The following ADGRE1 variants were observed in gnomAD, a reference collection of about 807,000 sequenced individuals.
ADGRE1 encodes adhesion G protein-coupled receptor E1, also known as EGF-like module receptor 1.
A neutral mutation model predicts 102.7 loss-of-function variants in ADGRE1; 82 were observed. That is an observed-to-expected ratio of 0.80 (90% CI 0.67 to 0.96). ADGRE1 has a LOEUF of 0.96. Among genes scored for constraint, ADGRE1 ranks in the 40% least tolerant of loss-of-function variants. The pLI, the probability that ADGRE1 is intolerant of heterozygous loss-of-function variation, is 0.00. For synonymous variants in ADGRE1, 398 were observed against 399.6 expected (o/e 1.00, Z 0.05); for missense variants, 1,032 against 1,085.3 (o/e 0.95, Z 0.69).
intron 10 of ADGRE1, among the ~76,000 whole-genome samples, chr19:6,909,487 T>TC (rs1974092920): frequency 6.6e-6 from 1 of 152,212 alleles, no homozygotes; most frequent in Admixed American, 6.5e-5. Flanking sequence ...CTTTTGAGAC[T>TC]GGCTTCTTTG....
intron 10 of ADGRE1, among the ~76,000 whole-genome samples, 177 bp from the exon 11 acceptor site, chr19:6,913,476 G>A (rs914623467): frequency 5.3e-5 from 8 of 152,046 alleles, no homozygotes; most frequent in Non-Finnish European, 1.0e-4. Context: ...CACTGCACCC[G>A]GCCTGAATTT....
intron 5 of ADGRE1, 103 bp downstream of exon 5, chr19:6,897,650 A>G (rs1973613525): frequency 1.5e-6 from 2 of 1,290,778 alleles, no homozygotes; most frequent in South Asian, 4.6e-5. Context: ...GGGATAAGAA[A>G]ATTGGGGCTC....
At chr19:6,890,443 T>G in intron 1 of ADGRE1, 38 bp from the exon 2 acceptor site, 1 of 1,231,448 alleles carries the variant, frequency 8.1e-7, no homozygotes, top group Non-Finnish European at 1.1e-6. Flanking sequence ...TTTTTTTTTT[T>G]TGGTGGTTCA....
intron 4 of ADGRE1, 37 bp downstream of exon 4, chr19:6,897,341 G>A: frequency 2.5e-6 from 4 of 1,612,102 alleles, no homozygotes; most frequent in Non-Finnish European, 8.5e-7. Context: ...GGTCTTGGGT[G>A]GATATCTATC....
rs1051881115 is a variant in ADGRE1, at chr19:6,935,104, C to G, written c.2381+26C>G. The G allele has an allele frequency of 3.4e-6, 5 of 1,460,254 alleles. No homozygotes were observed. The South Asian group carries it at 5.0e-5, about 15-fold the overall frequency. The allele number at this position is 1,460,254 out of a possible 1,614,324, so 90.5% of individuals were successfully genotyped here. A position where few individuals can be genotyped will look rare whatever the true frequency, so the allele number is the denominator to read the frequency against. Reference sequence around the variant, plus strand: ...GTAAAGCCCTCTTTCACCTCCCCCCCTCTTTTAATTTCCTCTTTCTTCTTC... The same window carrying G: ...GTAAAGCCCTCTTTCACCTCCCCCCGTCTTTTAATTTCCTCTTTCTTCTTC... On this transcript the variant is annotated intron_variant, in intron 18 of 20. Transcript: ENST00000312053.
intron 17 of ADGRE1, among the ~76,000 whole-genome samples, chr19:6,934,204 A>T (rs148180034): frequency 5.7e-4 from 87 of 152,212 alleles, no homozygotes; most frequent in African/African-American, 1.9e-3. Context: ...GGCAAGCTGT[A>T]GGTGGCTAAC....
intron 1 of ADGRE1, among the ~76,000 whole-genome samples, 199 bp from the exon 2 acceptor site, chr19:6,890,282 C>T (rs1973312390): frequency 1.3e-5 from 2 of 152,086 alleles, no homozygotes; most frequent in African/African-American, 2.4e-5. Context: ...AAGCAAAGTA[C>T]AGAAAACCAG....
chr19:6,919,875 T>C, intron 13 of ADGRE1, 128 bp downstream of exon 13: 1 of 833,804 alleles, frequency 1.2e-6, no homozygotes, highest in Non-Finnish European at 1.9e-6. Flanking sequence ...TTCCAGCAAT[T>C]CAAGCCAATT....
At chr19:6,894,439 G>C (rs924693746) in intron 2 of ADGRE1, among the ~76,000 whole-genome samples, 1 of 152,162 alleles carries the variant, frequency 6.6e-6, no homozygotes, top group African/African-American at 2.4e-5. Context: ...GTCAGGGAAG[G>C]CTTCCTGGAG....
chr19:6,937,570 C>A lies in ADGRE1; in HGVS notation c.2577C>A (p.Ile859=), dbSNP rs575409518. 1 of 1,613,982 alleles carries A rather than the reference C, an allele frequency of 6.2e-7. No individual in the cohort carries two copies. The highest frequency in any genetic ancestry group is 1.1e-5 in the South Asian group (1 of 91,060). Residue 859 remains isoleucine, a synonymous_variant, in exon 20 of 21, where the codon ATC becomes ATA. Transcript: ENST00000312053. ...GQVREEYKRW[I]TGKTKPSSQS... is the part of the protein sequence containing the mutation. ...TACGAGAAGAATACAAGAGGTGGAT[C>A]ACTGGGAAGACGAAGCCCAGCTCCC...
rs1249097263 is a variant in ADGRE1 at position 6,919,530 on chromosome 19, A to G, written c.1421-18A>G. 1.9e-6 allele frequency: 3 copies of G among 1,577,124 alleles called. No homozygotes were observed. The highest frequency in any genetic ancestry group is 2.9e-5 in the African/African-American group (2 of 68,506). On this transcript the variant is annotated intron_variant, in intron 12 of 20. Transcript: ENST00000312053. ...AGCAAACGATTCCTTCCTTTTTTTC[A>G]TTTGGGGAAACCTGCAGAGACCACT...
At chr19:6,922,474 G>A (rs567654019) in intron 14 of ADGRE1, among the ~76,000 whole-genome samples, 3 of 151,940 alleles carry the variant, frequency 2.0e-5, no homozygotes, top group African/African-American at 7.2e-5. Context: ...AATTAGCTGG[G>A]CATGGTGGTG....
intron 11 of ADGRE1, among the ~76,000 whole-genome samples, chr19:6,915,236 GAGC>G (rs1974331273): frequency 1.3e-5 from 2 of 151,996 alleles, no homozygotes; most frequent in Non-Finnish European, 2.9e-5. Context: ...TTGAACTTCT[GAGC>G]TCAAGTGATC....
At chr19:6,926,250 A>T (rs1974902923) in intron 15 of ADGRE1, 116 bp from the exon 16 acceptor site, 1 of 1,085,454 alleles carries the variant, frequency 9.2e-7, no homozygotes, top group African/African-American at 1.6e-5. Flanking sequence ...TGTTTGTGAG[A>T]TGAATGAGTG....
At chr19:6,916,140 TC>T in intron 11 of ADGRE1, 108 bp from the exon 12 acceptor site, 1 of 1,271,332 alleles carries the variant, frequency 7.9e-7, no homozygotes, top group East Asian at 2.4e-5. Context: ...AACTTTCTAT[TC>T]TTTTCCTTTG....
intron 16 of ADGRE1, among the ~76,000 whole-genome samples, 178 bp from the exon 17 acceptor site, chr19:6,927,967 G>T (rs189911764): frequency 1.3e-5 from 2 of 152,168 alleles, no homozygotes; most frequent in Non-Finnish European, 2.9e-5. Flanking sequence ...CAGGAAGAAG[G>T]TCTAAAAGAG....
At chr19:6,897,338 G>A (rs747471873) in intron 4 of ADGRE1, 34 bp downstream of exon 4, 18 of 1,612,534 alleles carry the variant, frequency 1.1e-5, no homozygotes, top group East Asian at 8.9e-5. Flanking sequence ...ATGGGTCTTG[G>A]GTGGATATCT....
chr19:6,905,054 A>G (rs1353467394), intron 8 of ADGRE1, among the ~76,000 whole-genome samples: 1 of 152,030 alleles, frequency 6.6e-6, no homozygotes, highest in Non-Finnish European at 1.5e-5. Context: ...GCTTGTGAAG[A>G]ATTTTGAAAG....
intron 1 of ADGRE1, among the ~76,000 whole-genome samples, chr19:6,888,973 G>T (rs1476683751): frequency 6.6e-6 from 1 of 152,052 alleles, no homozygotes; most frequent in East Asian, 1.9e-4. Flanking sequence ...GATGGTGGTG[G>T]TTATAATAGT....
Sources: allele counts gnomAD v4.1 joint callset (sites outside exome capture counted in the v4.1 genomes callset), GRCh38; gene constraint gnomAD v4.1.1; transcripts MANE v1.5; gene names NCBI Gene and HGNC (gene_info 2026-07-23, HGNC 2026-07-21).